Variants in MYH15 observed in about 807,000 individuals in gnomAD.
MYH15 encodes myosin heavy chain 15, also known as myosin-15.
Under a neutral mutation model 240.5 loss-of-function variants are expected in MYH15, and 227 were observed. That is an observed-to-expected ratio of 0.94 (90% CI 0.85 to 1.05). MYH15 has a LOEUF of 1.05. MYH15 is among the 50% of genes least tolerant of loss of function. The probability of loss-of-function intolerance (pLI) is 0.00; values close to 1 mark genes in which losing one functional copy is unlikely to be tolerated. For synonymous variants in MYH15, 785 were observed against 796.7 expected (o/e 0.99, Z 0.25); for missense variants, 2,217 against 2,247.5 (o/e 0.99, Z 0.27).
Position 108,498,112 on chromosome 3 carries a change from G to T in MYH15, c.558C>A (p.Ser186Arg), listed in dbSNP as rs758761125. ...GESGAGKTVN[S>R]KHIIQYFATI... ...TGGCAAAATACTGGATAATATGTTT[G>T]CTGTTCACAGTCTTTCCAGCACCAG... Residue 186 changes from serine (S) to arginine (R), a missense_variant, in exon 6 of 41, where the codon AGC becomes AGA. Coordinates refer to ENST00000693548, the MANE Select transcript of MYH15 (RefSeq NM_014981.3). 6.2e-7 allele frequency: 1 copy of T among 1,614,014 alleles called. No homozygotes were observed. Among genetic ancestry groups the T allele is most frequent in the South Asian group, 1.1e-5 (1 of 91,084 alleles).
chr3:108,402,487 C>T (rs574559804), intron 33 of MYH15, among the ~76,000 whole-genome samples: 1 of 152,208 alleles, frequency 6.6e-6, no homozygotes, highest in South Asian at 2.1e-4. Flanking sequence ...CTGTTTCCAA[C>T]CTACAACTAC....
intron 39 of MYH15, among the ~76,000 whole-genome samples, chr3:108,384,291 C>A (rs1220948190): frequency 1.3e-5 from 2 of 152,214 alleles, no homozygotes; most frequent in African/African-American, 4.8e-5. Flanking sequence ...GTTTTGTCCA[C>A]AACCATATCC....
intron 37 of MYH15, among the ~76,000 whole-genome samples, chr3:108,391,089 T>C (rs911976545): frequency 9.8e-5 from 15 of 152,330 alleles, no homozygotes; most frequent in African/African-American, 3.6e-4. Flanking sequence ...TTCCATTGTA[T>C]GGATATACCA....
At chr3:108,413,785 T>C (rs923295593) in intron 30 of MYH15, among the ~76,000 whole-genome samples, 9 of 152,240 alleles carry the variant, frequency 5.9e-5, no homozygotes, top group Admixed American at 1.3e-4. Context: ...CCAGCTTCCC[T>C]GTCCATCTTC....
intron 15 of MYH15, among the ~76,000 whole-genome samples, chr3:108,463,908 A>T (rs1315108843): frequency 1.3e-5 from 2 of 152,110 alleles, no homozygotes; most frequent in African/African-American, 4.8e-5. Flanking sequence ...GCAGTCCTTT[A>T]AAGGCAAGAA....
intron 31 of MYH15, among the ~76,000 whole-genome samples, chr3:108,410,238 TG>T (rs1389498877): frequency 1.3e-5 from 2 of 151,980 alleles, no homozygotes; most frequent in East Asian, 1.9e-4. Flanking sequence ...TATTCATATA[TG>T]AAAAAAAGGT....
At chr3:108,495,674 C>T in intron 7 of MYH15, 106 bp downstream of exon 7, 4 of 660,878 alleles carry the variant, frequency 6.1e-6, no homozygotes, top group Admixed American at 3.2e-5. Flanking sequence ...AATCAAAGAC[C>T]TTCTTTGGTG....
At chr3:108,538,198 T>G in the MYH15 span, among the ~76,000 whole-genome samples, 1 of 152,222 alleles carries the variant, frequency 6.6e-6, no homozygotes, top group Non-Finnish European at 1.5e-5. Flanking sequence ...GACAAACTCC[T>G]CCTTTCCTGA....
chr3:108,430,913 T>C lies in MYH15; in HGVS notation c.3231A>G (p.Leu1077=), dbSNP rs779947823. The change falls in exon 26 of 41, where the codon TTA becomes TTG. Residue 1077 remains leucine, a synonymous_variant. Transcript: ENST00000693548. ...CTTTTGAATTCATCTGACTCAATTC[T>C]AATTCTTTTCTGTTTAGAAAAAGAT... ...HLAEELRKKE[L]ELSQMNSKVE... is the part of the protein sequence containing the mutation. The C allele has an allele frequency of 2.6e-5, 42 of 1,607,166 alleles. No individual in the cohort carries two copies. The highest frequency in any genetic ancestry group is 3.4e-5 in the Non-Finnish European group (40 of 1,175,554).
chr3:108,386,063 TCTGCCTATCC>T (rs1356876189), intron 38 of MYH15, among the ~76,000 whole-genome samples: 4 of 152,264 alleles, frequency 2.6e-5, no homozygotes, highest in African/African-American at 4.8e-5. Flanking sequence ...TTTGTTTTTA[TCTGCCTATCC>T]CTCAACTTGT....
chr3:108,494,741 A>C (rs953186142), intron 7 of MYH15, among the ~76,000 whole-genome samples: 2 of 152,106 alleles, frequency 1.3e-5, no homozygotes, highest in African/African-American at 4.8e-5. Flanking sequence ...TGATCCGCCC[A>C]CTTCAGCCTC....
intron 7 of MYH15, among the ~76,000 whole-genome samples, chr3:108,494,481 T>C (rs1256268643): frequency 6.6e-6 from 1 of 152,042 alleles, no homozygotes; most frequent in Admixed American, 6.6e-5. Flanking sequence ...TTTCTCTCCT[T>C]TCTGTTCTCT....
Position 108,501,733 on chromosome 3 carries a change from G to C in MYH15, c.318C>G (p.Arg106=). 3 of 1,614,082 alleles carry C rather than the reference G, an allele frequency of 1.9e-6. No individual in the cohort carries two copies. The highest frequency in any genetic ancestry group is 2.5e-6 in the Non-Finnish European group (3 of 1,179,962). The stretch of plus-strand genomic sequence containing the variant: ...ACACATAGATCATCCACTGGCCATA[G>C]CGCCGCTTCAGGGTATGCAGCACGG... ...EASVLHTLKR[R]YGQWMIYTYS... is the part of the protein sequence containing the mutation. Residue 106 remains arginine (R), a synonymous_variant, in exon 3 of 41, where the codon CGC becomes CGG. Transcript: ENST00000693548.
Position 108,500,128 on chromosome 3 carries a change from G to C in MYH15, c.486C>G (p.Asp162Glu). 6.2e-7 allele frequency: 1 copy of C among 1,613,446 alleles called. No individual in the cohort carries two copies. Among genetic ancestry groups the C allele is most frequent in the Non-Finnish European group, 8.5e-7 (1 of 1,179,764 alleles). ...AGGGCAGCTACTCACTGTGAAGCATGTCCTGAAAGGCGTTATTGGCAACAG... is the reference window on the plus strand; with the variant it reads ...AGGGCAGCTACTCACTGTGAAGCATCTCCTGAAAGGCGTTATTGGCAACAG... ...IFAVANNAFQ[D>E]MLHNRENQSI... The change falls in exon 4 of 41, where the codon GAC becomes GAG. Residue 162 changes from aspartate (D) to glutamate (E), a missense_variant. By Grantham distance (45) the Asp-to-Glu change is conservative. Transcript: ENST00000693548.
rs1452171535 is a variant in MYH15, at chr3:108,487,694, T to C, written c.872-1168A>G. 2.6e-5 allele frequency among the ~76,000 whole-genome samples: 4 copies of C among 152,166 alleles called. 1 individual carries two copies. Among genetic ancestry groups the C allele is most frequent in the South Asian group, 4.1e-4 (2 of 4,824 alleles). ...TATTATAAAAGATCCAAGGACACTT[T>C]TGAAAGTATACATGCATTATGTTGA... On this transcript the variant is annotated intron_variant, in intron 9 of 40. Coordinates refer to ENST00000693548, the MANE Select transcript of MYH15 (RefSeq NM_014981.3).
intron 11 of MYH15, 72 bp downstream of exon 11, chr3:108,485,019 T>G: frequency 6.7e-7 from 1 of 1,492,036 alleles, no homozygotes; most frequent in Non-Finnish European, 9.1e-7. Flanking sequence ...TGAAGTTAAC[T>G]GCAAGGTAAA....
At chr3:108,446,000 C>T (rs116238579) in intron 21 of MYH15, among the ~76,000 whole-genome samples, 2,321 of 152,204 alleles carry the variant, frequency 0.015, 57 homozygotes, top group African/African-American at 0.049. Flanking sequence ...TCCAGGATGA[C>T]CCTTACAACC....
intron 3 of MYH15, among the ~76,000 whole-genome samples, chr3:108,500,698 G>A (rs569473495): frequency 7.2e-5 from 11 of 152,092 alleles, no homozygotes; most frequent in South Asian, 2.1e-4. Context: ...TTGAATTGTC[G>A]CCCCCAAATA....
rs1428486084 is a variant in MYH15, at chr3:108,507,274, T to TAC, written c.89-1446_89-1445insGT. On this transcript the variant is annotated intron_variant, in intron 1 of 40. Transcript: ENST00000693548. ...ATATATATATATATATATATATATA[T>TAC]ATACACATATGAAAATGAGCCTTAG... Among the ~76,000 whole-genome samples, 518 of 97,306 alleles carry TAC rather than the reference T, an allele frequency of 5.3e-3. 32 individuals carry two copies. Among genetic ancestry groups the TAC allele is most frequent in the Non-Finnish European group, 8.2e-3 (370 of 45,360 alleles). The allele number at this position is 97,306 out of a possible 152,430, so 63.8% of individuals were successfully genotyped here. A position where few individuals can be genotyped will look rare whatever the true frequency, so the allele number is the denominator to read the frequency against.
Sources: allele counts gnomAD v4.1 joint callset (sites outside exome capture counted in the v4.1 genomes callset), GRCh38; gene constraint gnomAD v4.1.1; transcripts MANE v1.5; gene names NCBI Gene and HGNC (gene_info 2026-07-23, HGNC 2026-07-21).